RIMS2: variants seen among roughly 807,000 people sequenced by gnomAD.
RIMS2 encodes regulating synaptic membrane exocytosis 2.
RIMS2 carries 59 observed loss-of-function variants against 174.4 expected under a neutral mutation model. That is an observed-to-expected ratio of 0.34 (90% CI 0.27 to 0.42). The LOEUF (loss-of-function observed/expected upper bound fraction) is 0.42. Among genes scored for constraint, RIMS2 ranks in the 10% least tolerant of loss-of-function variants. The pLI, the probability that RIMS2 is intolerant of heterozygous loss-of-function variation, is 1.00. For synonymous variants in RIMS2, 606 were observed against 572.5 expected (o/e 1.06, Z -0.84); for missense variants, 1,620 against 1,666.3 (o/e 0.97, Z 0.48).
rs1385489637 is a variant in RIMS2 at position 103,684,708 on chromosome 8, T to A, written c.177-12378T>A. On this transcript the variant is annotated intron_variant, in intron 1 of 23. Coordinates refer to ENST00000504942, the Ensembl canonical transcript of RIMS2. ...TTCAAGCAATTCTCCTGCCTCAGCC[T>A]CTTGAGTAGCTGGGATTACAGGTGC... Among the ~76,000 whole-genome samples, 4 of 151,992 alleles carry A rather than the reference T, an allele frequency of 2.6e-5. 1 individual carries two copies. Among genetic ancestry groups the A allele is most frequent in the Non-Finnish European group, 5.9e-5 (4 of 67,988 alleles).
intron 19 of RIMS2, among the ~76,000 whole-genome samples, chr8:104,158,768 T>C (rs2134524768): frequency 6.6e-6 from 1 of 152,334 alleles, no homozygotes; most frequent in Non-Finnish European, 1.5e-5. Flanking sequence ...TAAATTTGTT[T>C]AAGTTCTTTG....
intron 2 of RIMS2, among the ~76,000 whole-genome samples, chr8:103,734,920 C>A (rs565338734): frequency 8.4e-6 from 1 of 119,448 alleles, no homozygotes; most frequent in South Asian, 2.5e-4. Flanking sequence ...TTCTGTGCCA[C>A]CGAAGGGCAC....
chr8:103,645,766 A>G (rs946460376), intron 1 of RIMS2, among the ~76,000 whole-genome samples: 4 of 152,126 alleles, frequency 2.6e-5, no homozygotes, highest in African/African-American at 7.2e-5. Flanking sequence ...TTTCCCGAAT[A>G]TTGTGAAACC....
chr8:104,202,320 A>G (rs2099059083), intron 19 of RIMS2, among the ~76,000 whole-genome samples: 1 of 152,202 alleles, frequency 6.6e-6, no homozygotes, highest in African/African-American at 2.4e-5. Context: ...GACGTGGTAT[A>G]TTAGGACAGC....
intron 2 of RIMS2, among the ~76,000 whole-genome samples, chr8:103,726,599 G>A (rs1032381169): frequency 1.3e-5 from 2 of 151,108 alleles, no homozygotes; most frequent in African/African-American, 4.9e-5. Context: ...ATAAGTTTGG[G>A]AAGAATTGTC....
At chr8:103,713,208 A>G (rs6982513) in intron 2 of RIMS2, among the ~76,000 whole-genome samples, 26,759 of 152,050 alleles carry the variant, frequency 0.18, 2,553 homozygotes, top group African/African-American at 0.23. Context: ...TAGTACAGAC[A>G]AGGTTTTGCC....
At chr8:104,226,977 T>C (rs1038404612) in intron 19 of RIMS2, among the ~76,000 whole-genome samples, 3 of 152,242 alleles carry the variant, frequency 2.0e-5, no homozygotes, top group Non-Finnish European at 4.4e-5. Flanking sequence ...CCATTCATTG[T>C]GCACTTTCTA....
At chr8:103,894,221 A>C (rs2099264295) in intron 4 of RIMS2, among the ~76,000 whole-genome samples, 2 of 148,774 alleles carry the variant, frequency 1.3e-5, no homozygotes, top group Non-Finnish European at 1.5e-5. Flanking sequence ...ATCTTAACTA[A>C]TGTCAAGCTG....
chr8:103,555,742 G>T (rs913245184), intron 1 of RIMS2, among the ~76,000 whole-genome samples: 6 of 150,608 alleles, frequency 4.0e-5, no homozygotes, highest in African/African-American at 1.5e-4. Flanking sequence ...GAGCATTAAG[G>T]TGTGATTGTG....
intron 19 of RIMS2, among the ~76,000 whole-genome samples, chr8:104,200,297 A>G (rs1318279969): frequency 6.6e-6 from 1 of 152,220 alleles, no homozygotes; most frequent in Non-Finnish European, 1.5e-5. Context: ...GAAGCCCTGA[A>G]TTCCAAGATT....
intron 19 of RIMS2, among the ~76,000 whole-genome samples, chr8:104,139,747 CTTTG>C (rs892281703): frequency 4.6e-5 from 7 of 151,992 alleles, no homozygotes; most frequent in Non-Finnish European, 1.0e-4. Flanking sequence ...TTTGGATGCC[CTTTG>C]TTTATTTCTC....
At chr8:104,232,514 A>G (rs1284433328) in intron 19 of RIMS2, among the ~76,000 whole-genome samples, 1 of 152,218 alleles carries the variant, frequency 6.6e-6, no homozygotes, top group African/African-American at 2.4e-5. Context: ...GATAGGTCAT[A>G]GAATCTCTAG....
intron 3 of RIMS2, among the ~76,000 whole-genome samples, chr8:103,841,895 C>A (rs975631510): frequency 2.6e-5 from 4 of 151,600 alleles, no homozygotes; most frequent in African/African-American, 7.3e-5. Flanking sequence ...GCAGAGGTTG[C>A]AGTGAGCCAA....
exon 20 of RIMS2, chr8:104,245,007 A>G (rs2099322809): frequency 3.1e-6 from 5 of 1,613,858 alleles, no homozygotes; most frequent in Admixed American, 1.7e-5. Context: ...CTCGACAGGC[A>G]AGCCGAGAGT....
At chr8:103,664,742 G>A (rs2096647131) in intron 1 of RIMS2, among the ~76,000 whole-genome samples, 1 of 152,128 alleles carries the variant, frequency 6.6e-6, no homozygotes, top group Non-Finnish European at 1.5e-5. Flanking sequence ...TCTAGAACTA[G>A]AAATGCCATT....
At chr8:103,933,645 T>A (rs181211821) in intron 12 of RIMS2, among the ~76,000 whole-genome samples, 17 of 152,348 alleles carry the variant, frequency 1.1e-4, no homozygotes, top group Admixed American at 1.0e-3. Context: ...TTCCTTGTTA[T>A]TTATCAGGAA....
intron 16 of RIMS2, among the ~76,000 whole-genome samples, chr8:103,986,364 A>G (rs1363860953): frequency 1.3e-5 from 2 of 152,184 alleles, no homozygotes; most frequent in African/African-American, 4.8e-5. Context: ...AAAATGAGGC[A>G]CAGACAGTAA....
chr8:103,522,906 A>T (rs1832398299), intron 1 of RIMS2, among the ~76,000 whole-genome samples: 1 of 152,154 alleles, frequency 6.6e-6, no homozygotes, highest in South Asian at 2.1e-4. Flanking sequence ...AGGTGTAAGT[A>T]ATGAATTAAT....
At chr8:103,607,374 G>A (rs1229371288) in intron 1 of RIMS2, among the ~76,000 whole-genome samples, 1 of 151,982 alleles carries the variant, frequency 6.6e-6, no homozygotes, top group Admixed American at 6.5e-5. Flanking sequence ...GAGATCCGCT[G>A]TTAGTCTGAT....
Sources: allele counts gnomAD v4.1 joint callset (sites outside exome capture counted in the v4.1 genomes callset), GRCh38; gene constraint gnomAD v4.1.1; transcripts MANE v1.5; gene names NCBI Gene and HGNC (gene_info 2026-07-23, HGNC 2026-07-21).